WDPCP: variants seen among roughly 807,000 people sequenced by gnomAD.
WDPCP encodes WD repeat containing planar cell polarity effector, also known as WD repeat-containing and planar cell polarity effector protein fritz homolog.
WDPCP carries 71 observed loss-of-function variants against 93.1 expected under a neutral mutation model. That is an observed-to-expected ratio of 0.76 (90% CI 0.63 to 0.93). The LOEUF (loss-of-function observed/expected upper bound fraction) is 0.93. WDPCP is among the 40% of genes least tolerant of loss of function. The probability of loss-of-function intolerance (pLI) is 0.00; values close to 1 mark genes in which losing one functional copy is unlikely to be tolerated. For synonymous variants in WDPCP, 315 were observed against 315.0 expected (o/e 1.00, Z 0.00); for missense variants, 844 against 887.4 (o/e 0.95, Z 0.62).
chr2:63,239,796 C>T (rs1018114181), intron 14 of WDPCP, among the ~76,000 whole-genome samples: 1 of 151,988 alleles, frequency 6.6e-6, no homozygotes, highest in Non-Finnish European at 1.5e-5. Flanking sequence ...TTTAGTATAA[C>T]GTCTTTTAAA....
At chr2:63,497,769 G>A (rs1701320955) in intron 1 of WDPCP, among the ~76,000 whole-genome samples, 1 of 152,196 alleles carries the variant, frequency 6.6e-6, no homozygotes, top group Non-Finnish European at 1.5e-5. Flanking sequence ...AATACGCCTG[G>A]AGGAAGTAGT....
intron 3 of WDPCP, among the ~76,000 whole-genome samples, chr2:63,648,620 A>G (rs1710078190): frequency 6.6e-6 from 1 of 152,218 alleles, no homozygotes; most frequent in African/African-American, 2.4e-5. Context: ...ATGGAAACCA[A>G]AAAATGTATA....
intron 12 of WDPCP, among the ~76,000 whole-genome samples, chr2:63,315,997 G>A (rs749708187): frequency 6.6e-6 from 1 of 151,738 alleles, no homozygotes; most frequent in Admixed American, 6.6e-5. Context: ...CCATGAGCTC[G>A]AGTGATCTTC....
chr2:63,605,943 A>T, intron 3 of WDPCP: 1 of 1,613,068 alleles, frequency 6.2e-7, no homozygotes, highest in South Asian at 1.1e-5. Context: ...TTTCAGGGAG[A>T]GTTTGTGTCC....
At chr2:63,678,743 G>A (rs1301493747) in intron 2 of WDPCP, among the ~76,000 whole-genome samples, 1 of 152,252 alleles carries the variant, frequency 6.6e-6, no homozygotes, top group Non-Finnish European at 1.5e-5. Context: ...TCTTCTGGCA[G>A]GCACAGTCAG....
chr2:63,605,942 G>C (rs765796878), intron 3 of WDPCP: 2 of 1,613,214 alleles, frequency 1.2e-6, no homozygotes, highest in Middle Eastern at 1.7e-4. Flanking sequence ...TTTTCAGGGA[G>C]AGTTTGTGTC....
intron 2 of WDPCP, among the ~76,000 whole-genome samples, chr2:63,672,064 A>T (rs552583198): frequency 7.2e-5 from 11 of 152,334 alleles, no homozygotes; most frequent in Non-Finnish European, 1.0e-4. Flanking sequence ...CTGTGGCATT[A>T]ACATGTATGA....
chr2:63,498,670 T>C (rs1701370173), intron 1 of WDPCP, among the ~76,000 whole-genome samples: 1 of 152,240 alleles, frequency 6.6e-6, no homozygotes, highest in African/African-American at 2.4e-5. Flanking sequence ...ACCTGTACTC[T>C]GCCCGGGTAA....
At chr2:63,190,379 G>A (rs953111557) in intron 14 of WDPCP, among the ~76,000 whole-genome samples, 2 of 149,340 alleles carry the variant, frequency 1.3e-5, no homozygotes, top group Non-Finnish European at 3.0e-5. Flanking sequence ...GCTGCAGTGA[G>A]CCGTGATCAT....
intron 2 of WDPCP, among the ~76,000 whole-genome samples, chr2:63,673,927 A>G (rs1420504270): frequency 1.3e-5 from 2 of 152,122 alleles, no homozygotes; most frequent in African/African-American, 4.8e-5. Flanking sequence ...GTTGCTGTGG[A>G]ATTTGCCTTT....
chr2:63,723,439 T>C (rs1415526740), intron 2 of WDPCP, among the ~76,000 whole-genome samples: 2 of 152,206 alleles, frequency 1.3e-5, no homozygotes, highest in African/African-American at 4.8e-5. Context: ...TCTGCTATTA[T>C]AAGCTCTTTT....
intron 3 of WDPCP, among the ~76,000 whole-genome samples, chr2:63,610,948 A>G (rs1709607072): frequency 6.6e-6 from 1 of 152,130 alleles, no homozygotes; most frequent in Admixed American, 6.5e-5. Flanking sequence ...AAATAAAACA[A>G]TTAGCCCAGT....
intron 2 of WDPCP, among the ~76,000 whole-genome samples, chr2:63,658,032 A>G (rs763040708): frequency 1.3e-5 from 2 of 152,148 alleles, no homozygotes; most frequent in African/African-American, 2.4e-5. Flanking sequence ...ATAAAGGACA[A>G]TCTATAATTT....
At chr2:63,521,455 C>G (rs1575574143) in intron 1 of WDPCP, among the ~76,000 whole-genome samples, 1 of 152,062 alleles carries the variant, frequency 6.6e-6, no homozygotes, top group Non-Finnish European at 1.5e-5. Flanking sequence ...TCAAAAAAGA[C>G]AAAGAAGGGC....
chr2:63,378,370 C>G lies in WDPCP; in HGVS notation c.1748+16G>C. 6.2e-7 allele frequency: 1 copy of G among 1,612,604 alleles called. No homozygotes were observed. The highest frequency in any genetic ancestry group is 8.5e-7 in the Non-Finnish European group (1 of 1,179,154). ...GTAATTAGTCTGACGCTAATCAATC[C>G]AAACATATCATTCACCTGAGCAAGT... On this transcript the variant is annotated intron_variant, in intron 12 of 17. Coordinates refer to ENST00000272321, the MANE Select transcript of WDPCP (RefSeq NM_015910.7).
chr2:63,236,757 G>A (rs997221043), intron 14 of WDPCP, among the ~76,000 whole-genome samples: 1 of 152,106 alleles, frequency 6.6e-6, no homozygotes. Context: ...AAATGATGCT[G>A]GGAAAATAGG....
At chr2:63,514,241 A>G (rs985937440) in intron 1 of WDPCP, among the ~76,000 whole-genome samples, 4 of 152,054 alleles carry the variant, frequency 2.6e-5, no homozygotes, top group Admixed American at 6.6e-5. Context: ...TACTATATAT[A>G]TGGGCTATAT....
At chr2:63,150,418 GC>G (rs1374204908) in intron 17 of WDPCP, among the ~76,000 whole-genome samples, 1 of 152,162 alleles carries the variant, frequency 6.6e-6, no homozygotes, top group Non-Finnish European at 1.5e-5. Flanking sequence ...AGGGATTGCT[GC>G]TAAACATCCT....
intron 3 of WDPCP, among the ~76,000 whole-genome samples, chr2:63,607,752 C>T (rs1432349919): frequency 2.0e-5 from 3 of 151,320 alleles, no homozygotes; most frequent in Middle Eastern, 3.2e-3. Flanking sequence ...ATGGCGTGAA[C>T]CCGGGAGGCG....
Sources: allele counts gnomAD v4.1 joint callset (sites outside exome capture counted in the v4.1 genomes callset), GRCh38; gene constraint gnomAD v4.1.1; transcripts MANE v1.5; gene names NCBI Gene and HGNC (gene_info 2026-07-23, HGNC 2026-07-21).